PSME4: variants seen among roughly 807,000 people sequenced by gnomAD.
PSME4 encodes the protein proteasome activator subunit 4.
A neutral mutation model predicts 253.9 loss-of-function variants in PSME4; 89 were observed. The ratio of observed to expected loss-of-function variants is 0.35; its 90% CI spans 0.30 to 0.42. The LOEUF (loss-of-function observed/expected upper bound fraction) is 0.42, where lower values mean the gene tolerates loss of function less well. Ranked by LOEUF, PSME4 falls within the 10% of genes least tolerant of loss-of-function variation. The pLI, the probability that PSME4 is intolerant of heterozygous loss-of-function variation, is 1.00. For synonymous variants in PSME4, 851 were observed against 759.2 expected (o/e 1.12, Z -1.99); for missense variants, 2,014 against 2,195.2 (o/e 0.92, Z 1.65).
chr2:53,946,802 T>G (rs1301640781), intron 3 of PSME4, among the ~76,000 whole-genome samples: 1 of 151,976 alleles, frequency 6.6e-6, no homozygotes, highest in Non-Finnish European at 1.5e-5. Flanking sequence ...TGGTCCCACC[T>G]TCTCAGGAGG....
At chr2:53,918,493 C>G (rs1025862652) in intron 20 of PSME4, among the ~76,000 whole-genome samples, 2 of 152,100 alleles carry the variant, frequency 1.3e-5, no homozygotes, top group Admixed American at 1.3e-4. Context: ...AGGTATGCGC[C>G]ACCACGTCCA....
At position 53,864,418 on chromosome 2, in the gene PSME4, AATG is replaced by A. The variant is rs1307621823; in HGVS notation, c.*1157_*1159del. 6.7e-6 allele frequency: 1 copy of A among 148,752 alleles called. No homozygotes were observed. Among genetic ancestry groups the A allele is most frequent in the African/African-American group, 2.5e-5 (1 of 40,536 alleles). The allele number at this position is 148,752 out of a possible 1,614,324, so 9.2% of individuals were successfully genotyped here. A position where few individuals can be genotyped will look rare whatever the true frequency, so the allele number is the denominator to read the frequency against. On this transcript the variant is annotated 3_prime_UTR_variant, in exon 47 of 47. Transcript: ENST00000404125. ...TGTTACATAAAAGTTCAGACATTCTAATGATAAGTGAACTGAAAAAAAAAAAAC... is the reference window on the plus strand; with the variant it reads ...TGTTACATAAAAGTTCAGACATTCTAATAAGTGAACTGAAAAAAAAAAAAC...
intron 3 of PSME4, among the ~76,000 whole-genome samples, 192 bp downstream of exon 3, chr2:53,948,229 T>C (rs747344392): frequency 6.6e-6 from 1 of 152,236 alleles, no homozygotes; most frequent in Non-Finnish European, 1.5e-5. Flanking sequence ...GTCAATGATC[T>C]GCAAGAGAGA....
chr2:53,956,314 A>G (rs1267604678), intron 1 of PSME4, among the ~76,000 whole-genome samples: 1 of 151,936 alleles, frequency 6.6e-6, no homozygotes, highest in Non-Finnish European at 1.5e-5. Flanking sequence ...GGATCACCTG[A>G]GGTCAGGAGT....
rs549789440 is a variant in PSME4, at chr2:53,906,722, A to C, written c.2848-29T>G. 6 of 1,593,950 alleles carry C rather than the reference A, an allele frequency of 3.8e-6. No homozygotes were observed. In the East Asian group the frequency reaches 8.9e-5, roughly 24 times the overall value. ...AGAAAACAATCGCAAACATTTACTA[A>C]AATTTGATTATGAAAACAAAACTAA... On this transcript the variant is annotated intron_variant, in intron 25 of 46. Transcript: ENST00000404125.
chr2:53,960,432 T>A, intron 1 of PSME4, among the ~76,000 whole-genome samples: 1 of 148,236 alleles, frequency 6.7e-6, no homozygotes, highest in Admixed American at 6.7e-5. Flanking sequence ...AGGAGACAGC[T>A]CTAGCTAGAG....
At chr2:53,940,993 A>G (rs1401656724) in intron 3 of PSME4, among the ~76,000 whole-genome samples, 1 of 95,726 alleles carries the variant, frequency 1.0e-5, no homozygotes, top group Non-Finnish European at 2.3e-5. Context: ...ATATATATAT[A>G]TATATATGAA....
At chr2:53,902,719 C>CA (rs1321183783) in intron 27 of PSME4, among the ~76,000 whole-genome samples, 3 of 152,172 alleles carry the variant, frequency 2.0e-5, no homozygotes, top group Non-Finnish European at 1.5e-5. Flanking sequence ...AAGCAAACAG[C>CA]AAAGCCATTT....
At chr2:53,900,150 G>T in intron 28 of PSME4, 133 bp from the exon 29 acceptor site, 1 of 871,056 alleles carries the variant, frequency 1.1e-6, no homozygotes, top group Non-Finnish European at 1.7e-6. Flanking sequence ...CCATTTATAT[G>T]AAATATCTAA....
At chr2:53,920,664 G>C (rs1456190968) in intron 18 of PSME4, among the ~76,000 whole-genome samples, 1 of 152,088 alleles carries the variant, frequency 6.6e-6, no homozygotes, top group Non-Finnish European at 1.5e-5. Flanking sequence ...ATAGACATTA[G>C]ATAAGGAATA....
intron 41 of PSME4, among the ~76,000 whole-genome samples, chr2:53,879,037 C>T (rs551192331): frequency 6.6e-6 from 1 of 152,292 alleles, no homozygotes; most frequent in East Asian, 1.9e-4. Flanking sequence ...CTCCCCCGGA[C>T]ACCCAGCTTT....
In PSME4 at chr2:53,937,633, G is replaced by A. The variant is rs1573331807; in HGVS notation, c.546-93C>T. The stretch of plus-strand genomic sequence containing the variant: ...AACTGACCAAAAGGCTGGGGGAGGA[G>A]GAGAATATATGTCATAGCATGTAAC... On this transcript the variant is annotated intron_variant, in intron 4 of 46. Transcript: ENST00000404125. 11 of 1,176,634 alleles carry A rather than the reference G, an allele frequency of 9.3e-6. No homozygotes were observed. In the South Asian group the frequency reaches 1.5e-4, roughly 16 times the overall value. 72.9% of individuals were successfully genotyped at this position (1,176,634 alleles called of 1,614,324 possible).
At chr2:53,940,772 G>C (rs1487825459) in intron 3 of PSME4, among the ~76,000 whole-genome samples, 1 of 148,044 alleles carries the variant, frequency 6.8e-6, no homozygotes, top group African/African-American at 2.5e-5. Context: ...TTTTGAGCTG[G>C]AATTTTAAAA....
At chr2:53,920,757 T>A (rs1668277485) in intron 18 of PSME4, 132 bp downstream of exon 18, 7 of 789,472 alleles carry the variant, frequency 8.9e-6, no homozygotes, top group Non-Finnish European at 1.2e-5. Flanking sequence ...AAGTTTCACA[T>A]ATTCCAATAA....
chr2:53,896,119 T>C (rs1361147909), intron 32 of PSME4, among the ~76,000 whole-genome samples: 1 of 152,130 alleles, frequency 6.6e-6, no homozygotes, highest in Non-Finnish European at 1.5e-5. Flanking sequence ...ATGCATACTT[T>C]GATATTCTCT....
At chr2:53,874,925 C>T (rs899161684) in intron 42 of PSME4, among the ~76,000 whole-genome samples, 13 of 152,142 alleles carry the variant, frequency 8.5e-5, no homozygotes, top group African/African-American at 2.9e-4. Flanking sequence ...GCCTGGGCAG[C>T]AGAGCGAACT....
At chr2:53,940,481 CA>C (rs1669340077) in intron 3 of PSME4, among the ~76,000 whole-genome samples, 1 of 151,958 alleles carries the variant, frequency 6.6e-6, no homozygotes, top group Non-Finnish European at 1.5e-5. Context: ...CAACAATTAT[CA>C]AAAAGAACAA....
At position 53,897,167 on chromosome 2, in the gene PSME4, G is replaced by T. The variant is rs200289120; in HGVS notation, c.3607-282C>A. ...TCATTCTTCAAATCTTAGCCTCAGG[G>T]TTTTTTTTTTTTTTTTTTTTGACAG... On this transcript the variant is annotated intron_variant, in intron 31 of 46. Transcript: ENST00000404125. Among the ~76,000 whole-genome samples, 245 of 122,170 alleles carry T rather than the reference G, an allele frequency of 2.0e-3. 1 individual carries two copies. The highest frequency in any genetic ancestry group is 0.011 in the East Asian group (43 of 4,044). The allele number at this position is 122,170 out of a possible 152,430, so 80.1% of individuals were successfully genotyped here.
chr2:53,968,606 T>C (rs1325380568), intron 1 of PSME4, among the ~76,000 whole-genome samples: 1 of 152,176 alleles, frequency 6.6e-6, no homozygotes, highest in Admixed American at 6.5e-5. Context: ...AAATGTCTCA[T>C]AGTGCAATAT....
Sources: gnomAD v4.1 joint callset for allele counts (sites outside exome capture counted in the v4.1 genomes callset) on GRCh38, gnomAD v4.1.1 for gene constraint, MANE v1.5 for transcripts, NCBI Gene and HGNC (gene_info 2026-07-23, HGNC 2026-07-21) for gene names.